Variants in PALM2AKAP2 observed in about 807,000 individuals in gnomAD.
The protein encoded by PALM2AKAP2 is PALM2-AKAP2 fusion protein.
A neutral mutation model predicts 71.5 loss-of-function variants in PALM2AKAP2; 37 were observed. That is an observed-to-expected ratio of 0.52 (90% CI 0.40 to 0.68). The LOEUF (loss-of-function observed/expected upper bound fraction) is 0.68, where lower values mean the gene tolerates loss of function less well. Ranked by LOEUF, PALM2AKAP2 falls within the 30% of genes least tolerant of loss-of-function variation. The pLI is 0.00. For missense variants in PALM2AKAP2, 1,224 were observed against 1,191.8 expected (o/e 1.03, Z -0.40); for synonymous variants, 468 against 478.8 (o/e 0.98, Z 0.29).
chr9:109,812,280 C>T lies in PALM2AKAP2; in HGVS notation c.45+31747C>T, dbSNP rs59297946. ...AGACAGAACCATGAGGGAGGGACAA[C>T]ATGGAGCCCAAAGCCCTGCTCCTGA... On this transcript the variant is annotated intron_variant, in intron 1 of 9. Coordinates refer to the PALM2AKAP2 transcript ENST00000302798. 9.5e-3 allele frequency among the ~76,000 whole-genome samples: 1,451 copies of T among 152,158 alleles called. 22 individuals carry two copies. The highest frequency in any genetic ancestry group is 0.034 in the African/African-American group (1,400 of 41,502).
intron 1 of PALM2AKAP2, among the ~76,000 whole-genome samples, chr9:109,817,059 G>A (rs575935531): frequency 5.9e-5 from 9 of 152,244 alleles, no homozygotes; most frequent in African/African-American, 1.9e-4. Flanking sequence ...CAGTGAATCA[G>A]TATTTTAAGG....
intron 1 of PALM2AKAP2, among the ~76,000 whole-genome samples, chr9:109,658,557 C>A (rs1309052494): frequency 6.6e-6 from 1 of 152,132 alleles, no homozygotes; most frequent in African/African-American, 2.4e-5. Flanking sequence ...TTTATTAGTT[C>A]ACTTACATAC....
intron 6 of PALM2AKAP2, among the ~76,000 whole-genome samples, chr9:109,936,001 G>A (rs1240116106): frequency 1.3e-5 from 2 of 152,076 alleles, no homozygotes; most frequent in African/African-American, 4.8e-5. Context: ...TCACACCCTT[G>A]CTGACTTATT....
chr9:109,664,601 T>C (rs963474535), intron 1 of PALM2AKAP2, among the ~76,000 whole-genome samples: 3 of 152,214 alleles, frequency 2.0e-5, no homozygotes, highest in African/African-American at 7.2e-5. Flanking sequence ...ACTCAACCTT[T>C]CTCTCTGGCT....
chr9:109,843,508 A>G (rs962890115), intron 1 of PALM2AKAP2, among the ~76,000 whole-genome samples: 4 of 152,068 alleles, frequency 2.6e-5, no homozygotes, highest in Non-Finnish European at 1.5e-5. Context: ...ACTTGTATTT[A>G]TCATGTGTGA....
At chr9:109,860,329 T>C (rs2769146) in intron 1 of PALM2AKAP2, among the ~76,000 whole-genome samples, 130,851 of 152,206 alleles carry the variant, frequency 0.86, 56,663 homozygotes, top group East Asian at 0.96. Context: ...CCCAACCATG[T>C]CTGAGATGAC....
At chr9:109,955,766 C>T (rs936643058) in intron 6 of PALM2AKAP2, among the ~76,000 whole-genome samples, 65 of 152,112 alleles carry the variant, frequency 4.3e-4, no homozygotes, top group African/African-American at 1.5e-3. Context: ...GAAATCCCAA[C>T]TCTACTAAAA....
chr9:110,164,073 A>G lies in PALM2AKAP2; in HGVS notation c.2749-4326A>G, dbSNP rs1311160767. Among the ~76,000 whole-genome samples, 4 of 152,230 alleles carry G rather than the reference A, an allele frequency of 2.6e-5. No individual in the cohort carries two copies. The South Asian group carries it at 6.2e-4, about 24-fold the overall frequency. On this transcript the variant is annotated intron_variant, in intron 3 of 3. Coordinates refer to ENST00000374525, the Ensembl canonical transcript of PALM2AKAP2. The stretch of plus-strand genomic sequence containing the variant: ...TGCTGATTATCAGTAATTTTCTTTC[A>G]TAAGATATCAAATGAATACTGAGAA...
At chr9:109,920,007 C>T (rs1262028269) in intron 3 of PALM2AKAP2, among the ~76,000 whole-genome samples, 1 of 152,140 alleles carries the variant, frequency 6.6e-6, no homozygotes, top group Non-Finnish European at 1.5e-5. Context: ...GGCCAGGGCA[C>T]ACTGTGCCTA....
intron 1 of PALM2AKAP2, among the ~76,000 whole-genome samples, chr9:109,845,370 C>T (rs1828827159): frequency 6.6e-6 from 1 of 152,194 alleles, no homozygotes; most frequent in Non-Finnish European, 1.5e-5. Flanking sequence ...CTGAGGTGGC[C>T]ACAAAGTGCT....
At position 110,154,334 on chromosome 9, in the gene PALM2AKAP2, G is replaced by A. The variant is rs116378191; in HGVS notation, c.2570-1985G>A. Among the ~76,000 whole-genome samples, 346 of 152,230 alleles carry A rather than the reference G, an allele frequency of 2.3e-3. 2 individuals are homozygous for A. The highest frequency in any genetic ancestry group is 8.1e-3 in the African/African-American group (338 of 41,528). ...CAAGTCATGGATTCAAGCCCAAACC[G>A]GCTGGCTCCAGAGCTTACACGCTCA... On this transcript the variant is annotated intron_variant, in intron 2 of 3. Transcript: ENST00000374525.
intron 3 of PALM2AKAP2, among the ~76,000 whole-genome samples, chr9:109,901,962 G>C (rs2131853000): frequency 6.6e-6 from 1 of 152,342 alleles, no homozygotes; most frequent in East Asian, 1.9e-4. Flanking sequence ...TGCATCCGCT[G>C]TCTCCTTTTC....
chr9:109,686,016 T>C (rs1190203219), intron 1 of PALM2AKAP2, among the ~76,000 whole-genome samples: 1 of 152,210 alleles, frequency 6.6e-6, no homozygotes, highest in Non-Finnish European at 1.5e-5. Context: ...CCATTTTCTT[T>C]GCTTATTTGT....
At chr9:109,788,938 C>T (rs1217143446) in intron 1 of PALM2AKAP2, among the ~76,000 whole-genome samples, 1 of 152,232 alleles carries the variant, frequency 6.6e-6, no homozygotes, top group East Asian at 1.9e-4. Context: ...CCCTGTGTAA[C>T]TGTGTCCTTC....
At chr9:109,953,006 A>G (rs916205383) in intron 6 of PALM2AKAP2, among the ~76,000 whole-genome samples, 1 of 152,236 alleles carries the variant, frequency 6.6e-6, no homozygotes. Flanking sequence ...GTCCAAATAT[A>G]GAGATTATAA....
At chr9:109,691,940 A>C (rs1827903031) in intron 1 of PALM2AKAP2, among the ~76,000 whole-genome samples, 2 of 133,056 alleles carry the variant, frequency 1.5e-5, no homozygotes, top group African/African-American at 5.7e-5. Flanking sequence ...ATATATATAT[A>C]CACATATATA....
rs888151888 is a variant in PALM2AKAP2 at position 109,969,780 on chromosome 9, C to T, written c.496+37752C>T. 3.3e-5 allele frequency among the ~76,000 whole-genome samples: 5 copies of T among 152,172 alleles called. No individual in the cohort carries two copies. In the East Asian group the frequency reaches 7.7e-4, roughly 23 times the overall value. ...ACACCACAGTGTAGCACTCCCACAT[C>T]CTCACCCCACCCCACCCCAAGTGCA... On this transcript the variant is annotated intron_variant, in intron 6 of 9. Transcript: ENST00000302798.
At position 109,770,889 on chromosome 9, in the gene PALM2AKAP2, T is replaced by C. The variant is rs1183574385; in HGVS notation, c.6-9599T>C. Among the ~76,000 whole-genome samples the C allele has an allele frequency of 2.0e-5, 3 of 152,370 alleles. No individual in the cohort carries two copies. In the East Asian group the frequency reaches 5.8e-4, roughly 29 times the overall value. Reference sequence around the variant, plus strand: ...CAGGAGCTTTGTATACATTATCTCATTTGTTTGTCACAATAATCTTATGAA... The same window carrying C: ...CAGGAGCTTTGTATACATTATCTCACTTGTTTGTCACAATAATCTTATGAA... On this transcript the variant is annotated intron_variant, in intron 1 of 6. Coordinates refer to the PALM2AKAP2 transcript ENST00000374531.
intron 6 of PALM2AKAP2, among the ~76,000 whole-genome samples, chr9:109,964,703 A>G (rs1034871708): frequency 1.3e-5 from 2 of 152,170 alleles, no homozygotes; most frequent in Admixed American, 6.5e-5. Context: ...ACTTGAGCTC[A>G]AGGCTTTGGA....
Sources: allele counts gnomAD v4.1 joint callset (sites outside exome capture counted in the v4.1 genomes callset), GRCh38; gene constraint gnomAD v4.1.1; transcripts MANE v1.5; gene names NCBI Gene and HGNC (gene_info 2026-07-23, HGNC 2026-07-21).